PRUNE2: variants seen among roughly 807,000 people sequenced by gnomAD.
PRUNE2 encodes the protein protein prune homolog 2.
PRUNE2 carries 164 observed loss-of-function variants against 252.0 expected under a neutral mutation model. The ratio of observed to expected loss-of-function variants is 0.65; its 90% CI spans 0.57 to 0.74. The LOEUF (loss-of-function observed/expected upper bound fraction) is 0.74. Among genes scored for constraint, PRUNE2 ranks in the 30% least tolerant of loss-of-function variants. PRUNE2 has a pLI of 0.00. For missense variants in PRUNE2, 3,495 were observed against 3,711.0 expected, an observed-to-expected ratio of 0.94 and a Z score of 1.51; for synonymous variants, 1,292 against 1,350.2, an observed-to-expected ratio of 0.96 and a Z score of 0.94.
At chr9:76,625,585 A>G (rs1460842379) in intron 16 of PRUNE2, among the ~76,000 whole-genome samples, 6 of 152,242 alleles carry the variant, frequency 3.9e-5, no homozygotes, top group Admixed American at 3.9e-4. Context: ...TTATAAATAT[A>G]TGCAGTCAAA....
At chr9:76,767,343 CGA>C (rs2052521412) in intron 6 of PRUNE2, among the ~76,000 whole-genome samples, 2 of 151,850 alleles carry the variant, frequency 1.3e-5, no homozygotes, top group African/African-American at 2.4e-5. Context: ...CCCAGCTACT[CGA>C]GAGGCCGAGG....
intron 4 of PRUNE2, among the ~76,000 whole-genome samples, chr9:76,832,243 C>A (rs912066828): frequency 2.6e-5 from 4 of 152,040 alleles, no homozygotes; most frequent in African/African-American, 9.7e-5. Flanking sequence ...AACGTTTGAC[C>A]ACCATGAGTA....
At chr9:76,812,773 T>C (rs995693291) in intron 6 of PRUNE2, among the ~76,000 whole-genome samples, 2 of 152,188 alleles carry the variant, frequency 1.3e-5, no homozygotes, top group African/African-American at 2.4e-5. Flanking sequence ...CAGATGCACA[T>C]GTGTCTCTGC....
At chr9:76,691,865 C>G in intron 9 of PRUNE2, 1 of 559,612 alleles carries the variant, frequency 1.8e-6, no homozygotes, top group Non-Finnish European at 3.2e-6. Flanking sequence ...CGACCACAAG[C>G]TTTTCTAGGA....
intron 6 of PRUNE2, among the ~76,000 whole-genome samples, chr9:76,800,959 C>T (rs898480751): frequency 6.6e-6 from 1 of 152,202 alleles, no homozygotes; most frequent in African/African-American, 2.4e-5. Context: ...GCAAGAATAA[C>T]AACCTCCAAA....
intron 1 of PRUNE2, among the ~76,000 whole-genome samples, chr9:76,893,361 C>T (rs991692903): frequency 4.6e-5 from 7 of 152,176 alleles, no homozygotes; most frequent in Non-Finnish European, 1.0e-4. Context: ...AACGAGAAAT[C>T]GTAAATAAAA....
At chr9:76,752,539 C>A (rs1175174995) in intron 6 of PRUNE2, among the ~76,000 whole-genome samples, 2 of 141,062 alleles carry the variant, frequency 1.4e-5, no homozygotes, top group African/African-American at 2.7e-5. Flanking sequence ...AAGTTTTTTT[C>A]CTTATATGGA....
intron 18 of PRUNE2, among the ~76,000 whole-genome samples, chr9:76,616,610 A>G (rs1462172302): frequency 6.6e-6 from 1 of 152,164 alleles, no homozygotes; most frequent in Non-Finnish European, 1.5e-5. Context: ...ATCTTCTAGG[A>G]TTTAATTCAT....
chr9:76,739,242 G>T (rs2049352690), intron 6 of PRUNE2: 1 of 152,168 alleles, frequency 6.6e-6, no homozygotes, highest in East Asian at 1.9e-4. Context: ...ATAAATGCTA[G>T]AGTGCAGGAG....
chr9:76,705,840 G>T lies in PRUNE2; in HGVS notation c.6434C>A (p.Pro2145His), dbSNP rs1306001177. Reference protein sequence around the residue: ...CLTEPEIDEEPIYEPGREFVP... With the variant: ...CLTEPEIDEEHIYEPGREFVP... ...AAACTCCCGTCCAGGCTCATAAATG[G>T]GTTCTTCATCTATCTCTGGCTCAGT... The change falls in exon 8 of 19, where the codon CCC becomes CAC. Residue 2145 changes from proline to histidine, a missense_variant. Pro to His is a moderately conservative substitution (Grantham distance 77). Transcript: ENST00000376718. 3.7e-6 allele frequency: 6 copies of T among 1,613,506 alleles called. No homozygotes were observed. The highest frequency in any genetic ancestry group is 4.2e-6 in the Non-Finnish European group (5 of 1,179,864).
intron 1 of PRUNE2, chr9:76,857,131 A>C (rs913395343): frequency 1.1e-5 from 5 of 455,712 alleles, no homozygotes; most frequent in Non-Finnish European, 2.2e-5. Context: ...CTTCATGGTC[A>C]TGGCCTCTTC....
chr9:76,883,478 A>C (rs1488691011), intron 1 of PRUNE2, among the ~76,000 whole-genome samples: 2 of 152,242 alleles, frequency 1.3e-5, no homozygotes, highest in Non-Finnish European at 2.9e-5. Flanking sequence ...TTGGGATAAC[A>C]GATAAGTGAC....
intron 15 of PRUNE2, among the ~76,000 whole-genome samples, chr9:76,630,400 G>GA (rs1837045393): frequency 6.6e-6 from 1 of 152,074 alleles, no homozygotes; most frequent in African/African-American, 2.4e-5. Flanking sequence ...TAAATGCACA[G>GA]AGAACAACTT....
At chr9:76,820,049 A>C (rs1760684507) in intron 6 of PRUNE2, among the ~76,000 whole-genome samples, 2 of 152,176 alleles carry the variant, frequency 1.3e-5, no homozygotes, top group Admixed American at 6.5e-5. Context: ...CCAATATGTC[A>C]TGTGCATTCC....
chr9:76,684,757 T>C (rs1353101900), intron 9 of PRUNE2, among the ~76,000 whole-genome samples: 2 of 152,054 alleles, frequency 1.3e-5, no homozygotes, highest in South Asian at 2.1e-4. Context: ...CTGCCTCTTA[T>C]TTATTTATTT....
intron 6 of PRUNE2, among the ~76,000 whole-genome samples, chr9:76,715,155 T>C (rs536341255): frequency 2.1e-4 from 32 of 152,346 alleles, no homozygotes; most frequent in Admixed American, 1.7e-3. Context: ...ACTGTGAAGA[T>C]GTGAACGATG....
At chr9:76,679,893 C>G (rs4744802) in intron 9 of PRUNE2, among the ~76,000 whole-genome samples, 31,402 of 151,860 alleles carry the variant, frequency 0.21, 3,466 homozygotes, top group Admixed American at 0.29. Context: ...AACATAAGAC[C>G]CAAAATAGAA....
At chr9:76,882,041 T>A (rs1383226868) in intron 1 of PRUNE2, among the ~76,000 whole-genome samples, 1 of 152,142 alleles carries the variant, frequency 6.6e-6, no homozygotes, top group Non-Finnish European at 1.5e-5. Context: ...CAGTATTTAA[T>A]TTAATATATT....
chr9:76,706,830 G>T lies in PRUNE2; in HGVS notation c.5444C>A (p.Ser1815Tyr), dbSNP rs1222122266. ...TGAGAAGCCCAGCATTTCCAGTTGA[G>T]AATTATCTTCGTTCTTTGGGAACGA... Reference protein sequence around the residue: ...KASFPKNEDNSQLEMLGFSAD... With the variant: ...KASFPKNEDNYQLEMLGFSAD... The change falls in exon 8 of 19, where the codon TCT (serine) becomes TAT (tyrosine). Residue 1815 changes from serine (S) to tyrosine (Y), a missense_variant. Coordinates refer to ENST00000376718, the MANE Select transcript of PRUNE2 (RefSeq NM_015225.3). The T allele has an allele frequency of 6.3e-7, 1 of 1,597,870 alleles. No individual in the cohort carries two copies. Among genetic ancestry groups the T allele is most frequent in the Non-Finnish European group, 8.5e-7 (1 of 1,172,100 alleles).
Sources: gnomAD v4.1 joint callset for allele counts (sites outside exome capture counted in the v4.1 genomes callset) on GRCh38, gnomAD v4.1.1 for gene constraint, MANE v1.5 for transcripts, NCBI Gene and HGNC (gene_info 2026-07-23, HGNC 2026-07-21) for gene names.